The following PPP1R9A variants were observed in gnomAD, a reference collection of about 807,000 sequenced individuals.
PPP1R9A encodes protein phosphatase 1 regulatory subunit 9A.
PPP1R9A carries 59 observed loss-of-function variants against 141.9 expected under a neutral mutation model. The ratio of observed to expected loss-of-function variants is 0.42; its 90% confidence interval spans 0.34 to 0.52. PPP1R9A has a LOEUF of 0.52. Ranked by LOEUF, PPP1R9A falls within the 20% of genes least tolerant of loss-of-function variation. PPP1R9A has a pLI of 0.10. For missense variants in PPP1R9A, 1,444 were observed against 1,611.9 expected (o/e 0.90, Z 1.78); for synonymous variants, 500 against 569.7 (o/e 0.88, Z 1.74).
intron 2 of PPP1R9A, among the ~76,000 whole-genome samples, chr7:94,960,116 T>C (rs1797457766): frequency 6.6e-6 from 1 of 151,380 alleles, no homozygotes; most frequent in African/African-American, 2.4e-5. Context: ...TTAAATACCT[T>C]TTCACCAAGC....
intron 2 of PPP1R9A, among the ~76,000 whole-genome samples, chr7:95,101,928 T>A (rs767492517): frequency 6.6e-6 from 1 of 152,140 alleles, no homozygotes; most frequent in South Asian, 2.1e-4. Context: ...ATTATGTGGA[T>A]TTTTGGTTGT....
rs1464349192 is a variant in PPP1R9A, at chr7:95,198,492, G to A, written c.1890+8G>A. 2.6e-6 allele frequency: 4 copies of A among 1,541,260 alleles called. No individual in the cohort carries two copies. Among genetic ancestry groups the A allele is most frequent in the Middle Eastern group, 1.7e-4 (1 of 5,740 alleles). ...GATGCCGACGATGACGAGGTCAGTA[G>A]TGCTTGCAAAGATTCTTTTTCCCAC... On this transcript the variant is annotated splice_region_variant and intron_variant, in intron 6 of 19. Transcript: ENST00000433360.
chr7:95,286,638 CT>C (rs1236588591), intron 18 of PPP1R9A, among the ~76,000 whole-genome samples: 2 of 152,090 alleles, frequency 1.3e-5, no homozygotes, highest in African/African-American at 2.4e-5. Context: ...TTACTCCTTT[CT>C]TTTTTTCCTT....
intron 7 of PPP1R9A, among the ~76,000 whole-genome samples, chr7:95,215,911 A>G (rs1480142019): frequency 6.6e-6 from 1 of 152,058 alleles, no homozygotes; most frequent in Non-Finnish European, 1.5e-5. Context: ...ATTTTCTCCC[A>G]TTCTGTAGGT....
chr7:95,221,671 T>G (rs1310139073), intron 7 of PPP1R9A, among the ~76,000 whole-genome samples: 1 of 152,030 alleles, frequency 6.6e-6, no homozygotes, highest in Non-Finnish European at 1.5e-5. Context: ...TTGGGAAGAT[T>G]TAATAAAGAC....
chr7:95,169,639 A>G (rs1239716409), intron 5 of PPP1R9A, among the ~76,000 whole-genome samples: 3 of 151,934 alleles, frequency 2.0e-5, no homozygotes, highest in Non-Finnish European at 4.4e-5. Flanking sequence ...TGTCACTTTT[A>G]TCCCATAAAT....
In PPP1R9A at chr7:95,089,818, A is replaced by C. The variant is rs939663307; in HGVS notation, c.1396-21441A>C. 3.3e-5 allele frequency among the ~76,000 whole-genome samples: 5 copies of C among 151,880 alleles called. 1 individual carries two copies. Among genetic ancestry groups the C allele is most frequent in the African/African-American group, 1.2e-4 (5 of 41,180 alleles). ...ATCAATATGCTAGAACCATCTATAG[A>C]TGTAACTCAGGGAACTAGTTCTTCT... On this transcript the variant is annotated intron_variant, in intron 2 of 19. Coordinates refer to ENST00000433360, the MANE Select transcript of PPP1R9A (RefSeq NM_001166160.2).
intron 2 of PPP1R9A, among the ~76,000 whole-genome samples, chr7:95,084,966 A>G (rs949281647): frequency 7.9e-5 from 12 of 151,914 alleles, no homozygotes; most frequent in African/African-American, 2.9e-4. Flanking sequence ...TTAGGTTCGT[A>G]TATGTATCTT....
At chr7:94,986,583 A>G (rs1800865725) in intron 2 of PPP1R9A, among the ~76,000 whole-genome samples, 1 of 152,190 alleles carries the variant, frequency 6.6e-6, no homozygotes, top group Non-Finnish European at 1.5e-5. Flanking sequence ...ACAGTAATTT[A>G]GTGTATATTT....
At chr7:95,022,482 C>T (rs1806125419) in intron 2 of PPP1R9A, among the ~76,000 whole-genome samples, 1 of 152,094 alleles carries the variant, frequency 6.6e-6, no homozygotes, top group Non-Finnish European at 1.5e-5. Flanking sequence ...CTTTCTCTTG[C>T]CTGACTGCCC....
At chr7:95,204,487 C>G (rs1417593766) in intron 7 of PPP1R9A, among the ~76,000 whole-genome samples, 1 of 152,076 alleles carries the variant, frequency 6.6e-6, no homozygotes, top group Non-Finnish European at 1.5e-5. Context: ...AAATCTATAG[C>G]AACAGTCATT....
intron 5 of PPP1R9A, among the ~76,000 whole-genome samples, chr7:95,193,631 A>G (rs1177310572): frequency 6.6e-6 from 1 of 152,002 alleles, no homozygotes; most frequent in African/African-American, 2.4e-5. Flanking sequence ...ATAGGAAGAA[A>G]TTTGCAAATT....
chr7:94,973,653 A>G (rs532436273), intron 2 of PPP1R9A, among the ~76,000 whole-genome samples: 7 of 152,138 alleles, frequency 4.6e-5, no homozygotes, highest in Non-Finnish European at 1.0e-4. Flanking sequence ...TTTATGGTAT[A>G]TAAGTCAAGT....
chr7:94,934,036 T>C (rs1794474027), intron 2 of PPP1R9A, among the ~76,000 whole-genome samples: 1 of 152,228 alleles, frequency 6.6e-6, no homozygotes, highest in Non-Finnish European at 1.5e-5. Flanking sequence ...TTGTTAATGT[T>C]ATTTTATTTA....
At chr7:95,023,423 C>T (rs1192732922) in intron 2 of PPP1R9A, among the ~76,000 whole-genome samples, 2 of 152,114 alleles carry the variant, frequency 1.3e-5, no homozygotes, top group Non-Finnish European at 2.9e-5. Flanking sequence ...TTCAAAAATG[C>T]AGCTCCTGGA....
At chr7:94,992,862 A>C (rs560862516) in intron 2 of PPP1R9A, among the ~76,000 whole-genome samples, 2 of 152,236 alleles carry the variant, frequency 1.3e-5, no homozygotes, top group African/African-American at 4.8e-5. Flanking sequence ...TCTGAATATA[A>C]GTAATATATT....
At chr7:95,225,379 A>G (rs1794998578) in intron 7 of PPP1R9A, among the ~76,000 whole-genome samples, 1 of 152,172 alleles carries the variant, frequency 6.6e-6, no homozygotes, top group African/African-American at 2.4e-5. Flanking sequence ...TGTGCTAGGC[A>G]GGCAAAACAA....
rs766396857 is a variant in PPP1R9A at position 94,911,198 on chromosome 7, A to G, written c.1085A>G (p.Lys362Arg). ...AGGGAGGCAGCAAAGCAACAGAGGA[A>G]AGAACTTGCAGGTGGTGATTTCACC... Reference protein sequence around the residue: ...VGREAAKQQRKELAGGDFTSP... With the variant: ...VGREAAKQQRRELAGGDFTSP... Residue 362 changes from lysine to arginine, a missense_variant, in exon 2 of 20, where the codon AAA becomes AGA. This residue lies in a region of PPP1R9A where 490 missense variants were observed against 521.1 expected (regional missense o/e 0.94). Coordinates refer to ENST00000433360, the MANE Select transcript of PPP1R9A (RefSeq NM_001166160.2). The G allele has an allele frequency of 1.9e-6, 3 of 1,614,232 alleles. No homozygotes were observed. The South Asian group carries it at 3.3e-5, about 18-fold the overall frequency.
intron 2 of PPP1R9A, among the ~76,000 whole-genome samples, chr7:94,979,429 G>A (rs1584484218): frequency 6.6e-6 from 1 of 152,154 alleles, no homozygotes; most frequent in East Asian, 1.9e-4. Context: ...TTTGTGGTTT[G>A]AGTGTATCAC....
Sources: gnomAD v4.1 joint callset for allele counts (sites outside exome capture counted in the v4.1 genomes callset) on GRCh38, gnomAD v4.1.1 for gene constraint, gnomAD v4.1.1 regional missense constraint, MANE v1.5 for transcripts, NCBI Gene and HGNC (gene_info 2026-07-23, HGNC 2026-07-21) for gene names.